The following REL variants were observed in gnomAD, a reference collection of about 807,000 sequenced individuals.
REL encodes REL proto-oncogene, NF-kB subunit, also known as proto-oncogene c-Rel.
In REL, 15 loss-of-function variants were observed where a neutral mutation model predicts 45.9. That is an observed-to-expected ratio of 0.33 (90% CI 0.22 to 0.50). The LOEUF (loss-of-function observed/expected upper bound fraction) is 0.50. REL is among the 20% of genes least tolerant of loss of function. The pLI, the probability that REL is intolerant of heterozygous loss-of-function variation, is 0.98. For missense variants in REL, 601 were observed against 715.2 expected, an observed-to-expected ratio of 0.84 and a Z score of 1.82; for synonymous variants, 239 against 242.1, an observed-to-expected ratio of 0.99 and a Z score of 0.12.
intron 1 of REL, among the ~76,000 whole-genome samples, chr2:60,882,614 G>T (rs1462583992): frequency 6.6e-6 from 1 of 152,010 alleles, no homozygotes; most frequent in South Asian, 2.1e-4. Flanking sequence ...GGTGGAGGTT[G>T]CAGTGAGCCG....
rs1416983232 is a variant in REL at position 60,924,099 on chromosome 2, C to T, written c.*1564C>T. 1 of 231,570 alleles carries T rather than the reference C, an allele frequency of 4.3e-6. No individual in the cohort carries two copies. The highest frequency in any genetic ancestry group is 8.6e-6 in the Non-Finnish European group (1 of 116,942). 14.3% of individuals were successfully genotyped at this position (231,570 alleles called of 1,614,324 possible). On this transcript the variant is annotated 3_prime_UTR_variant, in exon 10 of 10. Coordinates refer to ENST00000394479, the MANE Select transcript of REL (RefSeq NM_001291746.2). ...TTCCCTCTGCCTTGAATGTTGTTCT[C>T]CCAGAAAAATGCATAGTTCACTCTT... is the stretch of plus-strand genomic sequence containing the variant.
At chr2:60,900,907 T>G (rs1673476433) in intron 3 of REL, 85 bp from the exon 4 acceptor site, 2 of 1,118,322 alleles carry the variant, frequency 1.8e-6, no homozygotes, top group Non-Finnish European at 2.6e-6. Flanking sequence ...GACAGCATGA[T>G]AACTTCAGTA....
rs374719643 is a variant in REL, at chr2:60,917,716, A to G, written c.536-475A>G. On this transcript the variant is annotated intron_variant, in intron 5 of 9. Coordinates refer to ENST00000394479, the MANE Select transcript of REL (RefSeq NM_001291746.2). ...TGTGTGTGTGTGTGTGTGTGTGTGT[A>G]CGTGTGTGTGTGTGTACATAGACTT... Among the ~76,000 whole-genome samples the G allele has an allele frequency of 4.9e-4, 45 of 91,036 alleles. 1 individual carries two copies. Among genetic ancestry groups the G allele is most frequent in the Middle Eastern group, 0.011 (2 of 182 alleles). 59.7% of individuals were successfully genotyped at this position (91,036 alleles called of 152,430 possible). A position where few individuals can be genotyped will look rare whatever the true frequency, so the allele number is the denominator to read the frequency against.
chr2:60,915,055 T>C (rs1673927276), intron 4 of REL, among the ~76,000 whole-genome samples: 1 of 151,586 alleles, frequency 6.6e-6, no homozygotes, highest in African/African-American at 2.4e-5. Context: ...ATGGTCTCGA[T>C]CTCCCAACCT....
At position 60,923,161 on chromosome 2, in the gene REL, A is replaced by C; in HGVS notation, c.*626A>C. 5.1e-6 allele frequency: 1 copy of C among 197,068 alleles called. No homozygotes were observed. The highest frequency in any genetic ancestry group is 1.1e-5 in the Non-Finnish European group (1 of 94,872). 12.2% of individuals were successfully genotyped at this position (197,068 alleles called of 1,614,324 possible). ...CTTGTAATGGCTATGCCATTGAAAA[A>C]CTTAATTTTTTATTTTTGAGGCCCA... On this transcript the variant is annotated 3_prime_UTR_variant, in exon 10 of 10. Transcript: ENST00000394479.
chr2:60,918,690 C>T (rs1674050862), intron 7 of REL, 84 bp downstream of exon 7: 2 of 935,116 alleles, frequency 2.1e-6, no homozygotes, highest in Non-Finnish European at 3.4e-6. Flanking sequence ...CATTTGAGTA[C>T]AGTTATGTAT....
intron 4 of REL, among the ~76,000 whole-genome samples, chr2:60,902,300 A>G (rs1477642426): frequency 6.6e-6 from 1 of 152,152 alleles, no homozygotes; most frequent in Non-Finnish European, 1.5e-5. Flanking sequence ...TTTTCACACT[A>G]TTTAGTATAA....
intron 3 of REL, among the ~76,000 whole-genome samples, chr2:60,897,046 G>A (rs1673368879): frequency 6.6e-6 from 1 of 151,988 alleles, no homozygotes; most frequent in South Asian, 2.1e-4. Context: ...TATTATCTTG[G>A]CATTCTATTA....
Position 60,906,915 on chromosome 2 carries a change from T to TATATA in REL, c.394+5832_394+5833insATATA, listed in dbSNP as rs1558805877. 6.8e-3 allele frequency among the ~76,000 whole-genome samples: 706 copies of TATATA among 103,244 alleles called. 4 individuals are homozygous for TATATA. The highest frequency in any genetic ancestry group is 0.03 in the African/African-American group (645 of 21,356). The allele number at this position is 103,244 out of a possible 152,430, so 67.7% of individuals were successfully genotyped here. On this transcript the variant is annotated intron_variant, in intron 4 of 9. Coordinates refer to ENST00000394479, the MANE Select transcript of REL (RefSeq NM_001291746.2). Reference sequence around the variant, plus strand: ...TGTGTATATATATATATATATATATTTTTTTTTTTTTTTTCTTTTCCGAGA... The same window carrying TATATA: ...TGTGTATATATATATATATATATATTATATATTTTTTTTTTTTTTCTTTTCCGAGA...
rs537735864 is a variant in REL at position 60,901,593 on chromosome 2, A to T, written c.394+510A>T. Among the ~76,000 whole-genome samples, 19 of 152,356 alleles carry T rather than the reference A, an allele frequency of 1.2e-4. 1 individual carries two copies. In the South Asian group the frequency reaches 3.9e-3, roughly 32 times the overall value. On this transcript the variant is annotated intron_variant, in intron 4 of 9. Transcript: ENST00000394479. ...AGTTGTTGAAAAAAATCTTATGCAC[A>T]GAGAGGTTTTTGGTATTGTTGGAGA...
rs1321923312 is a variant in REL at position 60,929,198 on chromosome 2, T to C, written c.*6663T>C. The C allele has an allele frequency of 1.3e-5, 2 of 149,998 alleles. No homozygotes were observed. Among genetic ancestry groups the C allele is most frequent in the Admixed American group, 1.3e-4 (2 of 15,108 alleles). The allele number at this position is 149,998 out of a possible 1,614,324, so 9.3% of individuals were successfully genotyped here. ...AGGTGCTGGAGAGGATGTGGAGAAA[T>C]AGGAACACTTTTACACTGTTGGTGG... On this transcript the variant is annotated 3_prime_UTR_variant, in exon 10 of 10. Coordinates refer to ENST00000394479, the MANE Select transcript of REL (RefSeq NM_001291746.2).
At chr2:60,892,996 G>A (rs964086935) in intron 2 of REL, among the ~76,000 whole-genome samples, 2 of 152,056 alleles carry the variant, frequency 1.3e-5, no homozygotes, top group African/African-American at 2.4e-5. Flanking sequence ...CTCGTGATCC[G>A]ACTGCCTTGG....
chr2:60,919,993 T>G, intron 7 of REL, 48 bp from the exon 8 acceptor site: 1 of 1,202,672 alleles, frequency 8.3e-7, no homozygotes, highest in Non-Finnish European at 1.2e-6. Flanking sequence ...AAGGAGAGGA[T>G]ACAATCCTAT....
rs1349037759 is a variant in REL at position 60,923,057 on chromosome 2, C to CA, written c.*530dup. ...AGACTCTGTCTCAAAAAAAAAAAAA[C>CA]AAAAAAAACACACTTTTTTATATTT... is the stretch of plus-strand genomic sequence containing the variant. On this transcript the variant is annotated 3_prime_UTR_variant, in exon 10 of 10. Transcript: ENST00000394479. 9.8e-5 allele frequency: 16 copies of CA among 163,338 alleles called. No homozygotes were observed. Among genetic ancestry groups the CA allele is most frequent in the East Asian group, 3.6e-4 (3 of 8,280 alleles). The allele number at this position is 163,338 out of a possible 1,614,324, so 10.1% of individuals were successfully genotyped here. A position where few individuals can be genotyped will look rare whatever the true frequency, so the allele number is the denominator to read the frequency against.
At chr2:60,891,634 A>T in intron 1 of REL, 49 bp from the exon 2 acceptor site, 1 of 1,389,702 alleles carries the variant, frequency 7.2e-7, no homozygotes, top group Non-Finnish European at 9.6e-7. Context: ...ATCCATTATT[A>T]ATTGCTATAT....
In REL at chr2:60,922,063, A is replaced by G; in HGVS notation, c.1292A>G (p.Tyr431Cys). The change falls in exon 10 of 10, where the codon TAC becomes TGC. Residue 431 changes from tyrosine to cysteine, a missense_variant. By Grantham distance (194) the Tyr-to-Cys change is radical (BLOSUM62 -2). Coordinates refer to ENST00000394479, the MANE Select transcript of REL (RefSeq NM_001291746.2). ...TTAAATGCTTCTAATGCTTGCATTT[A>G]CAACAATGCCGATGACATAGTCGGA... ...NDLNASNACI[Y>C]NNADDIVGME... 1.2e-6 allele frequency: 2 copies of G among 1,614,176 alleles called. No individual in the cohort carries two copies. The highest frequency in any genetic ancestry group is 1.7e-6 in the Non-Finnish European group (2 of 1,180,006).
intron 4 of REL, among the ~76,000 whole-genome samples, chr2:60,907,580 G>T (rs1407473451): frequency 6.6e-6 from 1 of 152,026 alleles, no homozygotes; most frequent in African/African-American, 2.4e-5. Context: ...GTTGCAGTGA[G>T]CCCAGATTGT....
At chr2:60,888,882 C>G (rs1382111480) in intron 1 of REL, among the ~76,000 whole-genome samples, 1 of 152,204 alleles carries the variant, frequency 6.6e-6, no homozygotes, top group African/African-American at 2.4e-5. Flanking sequence ...CTTCATTCAT[C>G]TTATCACTGC....
At chr2:60,889,146 A>G (rs968164647) in intron 1 of REL, among the ~76,000 whole-genome samples, 3 of 152,144 alleles carry the variant, frequency 2.0e-5, no homozygotes, top group African/African-American at 7.2e-5. Context: ...TACATTGGTG[A>G]TTCTTAAATA....
Sources: allele counts gnomAD v4.1 joint callset (sites outside exome capture counted in the v4.1 genomes callset), GRCh38; gene constraint gnomAD v4.1.1; transcripts MANE v1.5; gene names NCBI Gene and HGNC (gene_info 2026-07-23, HGNC 2026-07-21).